The following XXYLT1 variants were observed in gnomAD, a reference collection of about 807,000 sequenced individuals.
XXYLT1 encodes the protein UDP-xylose:alpha-xyloside alpha-1,3-xylosyltransferase.
A neutral mutation model predicts 28.9 loss-of-function variants in XXYLT1; 20 were observed. The ratio of observed to expected loss-of-function variants is 0.69; its 90% confidence interval spans 0.49 to 1.00. The LOEUF (loss-of-function observed/expected upper bound fraction) is 1.00. Among genes scored for constraint, XXYLT1 ranks in the 50% least tolerant of loss-of-function variants. XXYLT1 has a pLI of 0.00. For missense variants in XXYLT1, 542 were observed against 560.1 expected, an observed-to-expected ratio of 0.97 and a Z score of 0.33; for synonymous variants, 257 against 253.8, an observed-to-expected ratio of 1.01 and a Z score of -0.12.
intron 1 of XXYLT1, chr3:195,259,784 G>C: frequency 1.8e-6 from 1 of 555,940 alleles, no homozygotes; most frequent in Non-Finnish European, 2.3e-6. Flanking sequence ...GATACCGAGG[G>C]GCCACCCCCA....
chr3:195,139,884 C>A (rs1264872261), intron 3 of XXYLT1, among the ~76,000 whole-genome samples: 1 of 152,294 alleles, frequency 6.6e-6, no homozygotes, highest in Non-Finnish European at 1.5e-5. Flanking sequence ...CAGATGAGGA[C>A]CCCTCCCAGC....
Position 195,270,663 on chromosome 3 carries a change from C to T in XXYLT1, c.396G>A (p.Glu132=), listed in dbSNP as rs1725992622. 2 of 1,582,706 alleles carry T rather than the reference C, an allele frequency of 1.3e-6. No individual in the cohort carries two copies. The highest frequency in any genetic ancestry group is 1.4e-5 in the African/African-American group (1 of 72,102). ...AGTGAAGGTTAAGCACCTCGTGCGC[C>T]TCGAACTTGGCGAGGCGCAGCAGTG... ...LRSLLRLAKF[E]AHEVLNLHFV... Residue 132 remains glutamate, a synonymous_variant, in exon 1 of 4, where the codon GAG becomes GAA. Coordinates refer to ENST00000310380, the MANE Select transcript of XXYLT1 (RefSeq NM_152531.5).
At position 195,169,239 on chromosome 3, in the gene XXYLT1, G is replaced by C. The variant is rs142730949; in HGVS notation, c.653-12658C>G. Among the ~76,000 whole-genome samples the C allele has an allele frequency of 6.8e-4, 104 of 152,386 alleles. 1 individual carries two copies. The highest frequency in any genetic ancestry group is 2.5e-3 in the African/African-American group (102 of 41,596). On this transcript the variant is annotated intron_variant, in intron 2 of 3. Coordinates refer to ENST00000310380, the MANE Select transcript of XXYLT1 (RefSeq NM_152531.5). ...ATGAGCTCACGTGGGCTCTCCCTGA[G>C]GTTCAGGCTCCATCCCGGCACGGCA...
rs796495723 is a variant in XXYLT1, at chr3:195,143,878, A to C, written c.785+12571T>G. ...TAGATATATATAGATATAGATATATATATATATATATTTATTTTTTATTTT... is the reference window on the plus strand; with the variant it reads ...TAGATATATATAGATATAGATATATCTATATATATATTTATTTTTTATTTT... On this transcript the variant is annotated intron_variant, in intron 3 of 3. Transcript: ENST00000310380. Among the ~76,000 whole-genome samples the C allele has an allele frequency of 8.2e-4, 96 of 117,238 alleles. 8 individuals are homozygous for C. The South Asian group carries it at 0.015, about 18-fold the overall frequency. 76.9% of individuals were successfully genotyped at this position (117,238 alleles called of 152,430 possible).
rs1282809909 is a variant in XXYLT1, at chr3:195,069,688, G to A, written c.*27C>T. The A allele has an allele frequency of 1.9e-6, 3 of 1,586,680 alleles. No homozygotes were observed. Among genetic ancestry groups the A allele is most frequent in the Non-Finnish European group, 8.6e-7 (1 of 1,168,464 alleles). On this transcript the variant is annotated 3_prime_UTR_variant, in exon 4 of 4. Coordinates refer to ENST00000310380, the MANE Select transcript of XXYLT1 (RefSeq NM_152531.5). Reference sequence around the variant, plus strand: ...CCCTGTCCTTCCCCCAGATCTGGAGGCCCCGGGGGCAAGGCACGGGGAGCG... The same window carrying A: ...CCCTGTCCTTCCCCCAGATCTGGAGACCCCGGGGGCAAGGCACGGGGAGCG...
chr3:195,071,588 C>A (rs996473744), intron 3 of XXYLT1, among the ~76,000 whole-genome samples: 10 of 152,262 alleles, frequency 6.6e-5, no homozygotes, highest in African/African-American at 2.2e-4. Context: ...CTGGTGCCTG[C>A]CTGGTGGTAA....
intron 2 of XXYLT1, among the ~76,000 whole-genome samples, chr3:195,181,134 G>A (rs377416373): frequency 3.3e-5 from 5 of 152,274 alleles, no homozygotes; most frequent in South Asian, 2.1e-4. Context: ...TTGAGAAGTC[G>A]GTGCTTGAGA....
chr3:195,270,456 T>C, intron 1 of XXYLT1, 99 bp downstream of exon 1: 1 of 1,340,292 alleles, frequency 7.5e-7, no homozygotes, highest in South Asian at 1.9e-5. Flanking sequence ...GGGAAGATCC[T>C]ACCCGCTAGT....
intron 3 of XXYLT1, among the ~76,000 whole-genome samples, chr3:195,111,031 C>T (rs946012165): frequency 1.3e-5 from 2 of 151,970 alleles, no homozygotes; most frequent in Non-Finnish European, 2.9e-5. Context: ...CACTGATTGT[C>T]CGCAGTCCTG....
At chr3:195,253,750 C>T (rs1227300137) in intron 1 of XXYLT1, among the ~76,000 whole-genome samples, 2 of 152,048 alleles carry the variant, frequency 1.3e-5, no homozygotes, top group Admixed American at 1.3e-4. Flanking sequence ...CCGCCCGCCT[C>T]GGCCTCCCAA....
chr3:195,185,891 C>T lies in XXYLT1; in HGVS notation c.653-29310G>A, dbSNP rs116287675. On this transcript the variant is annotated intron_variant, in intron 2 of 3. Transcript: ENST00000310380. ...TCCCTTTCCCACCTCTCTTCAGTCA[C>T]TTTCACTCAGACCTTTCTTTTCCTG... Among the ~76,000 whole-genome samples, 445 of 152,344 alleles carry T rather than the reference C, an allele frequency of 2.9e-3. 2 individuals are homozygous for T. Among genetic ancestry groups the T allele is most frequent in the African/African-American group, 0.01 (424 of 41,574 alleles).
Position 195,220,345 on chromosome 3 carries a change from T to C in XXYLT1, c.652+6364A>G, listed in dbSNP as rs191986999. Among the ~76,000 whole-genome samples the C allele has an allele frequency of 5.9e-3, 902 of 152,274 alleles. 7 individuals are homozygous for C. Among genetic ancestry groups the C allele is most frequent in the Middle Eastern group, 0.048 (14 of 294 alleles). On this transcript the variant is annotated intron_variant, in intron 2 of 3. Coordinates refer to ENST00000310380, the MANE Select transcript of XXYLT1 (RefSeq NM_152531.5). Reference sequence around the variant, plus strand: ...TTTTAGTAGAAATGGGGTTTCACCATGTTGGCCAGGCTGGTATCGAACTCC... The same window carrying C: ...TTTTAGTAGAAATGGGGTTTCACCACGTTGGCCAGGCTGGTATCGAACTCC...
intron 3 of XXYLT1, among the ~76,000 whole-genome samples, chr3:195,106,609 C>A (rs1379039509): frequency 6.6e-6 from 1 of 152,188 alleles, no homozygotes; most frequent in East Asian, 1.9e-4. Flanking sequence ...GCCGGCGAGG[C>A]GCGGAACTGC....
chr3:195,265,617 G>A (rs35136713), intron 1 of XXYLT1, among the ~76,000 whole-genome samples: 308 of 152,184 alleles, frequency 2.0e-3, no homozygotes, highest in African/African-American at 6.9e-3. Context: ...CATGAGAGGC[G>A]CCTTGAGGCC....
intron 3 of XXYLT1, among the ~76,000 whole-genome samples, chr3:195,143,831 GATATAGATAT>G (rs1207239570): frequency 9.1e-5 from 6 of 65,698 alleles, no homozygotes; most frequent in African/African-American, 3.0e-4. Context: ...GATATATATA[GATATAGATAT>G]AGATATATAT....
At chr3:195,074,405 T>G (rs922168086) in intron 3 of XXYLT1, among the ~76,000 whole-genome samples, 2 of 152,212 alleles carry the variant, frequency 1.3e-5, no homozygotes, top group African/African-American at 2.4e-5. Context: ...CCAGAGGCTG[T>G]GCAGTCAGTG....
At chr3:195,088,796 T>A (rs1415191655) in intron 3 of XXYLT1, among the ~76,000 whole-genome samples, 1 of 142,708 alleles carries the variant, frequency 7.0e-6, no homozygotes, top group Non-Finnish European at 1.5e-5. Flanking sequence ...TAGAAGAATA[T>A]ATAACTAGAA....
chr3:195,180,892 G>A lies in XXYLT1; in HGVS notation c.653-24311C>T, dbSNP rs1270903942. Among the ~76,000 whole-genome samples the A allele has an allele frequency of 6.6e-6, 1 of 152,244 alleles. No homozygotes were observed. Among genetic ancestry groups the A allele is most frequent in the East Asian group, 1.9e-4 (1 of 5,200 alleles). On this transcript the variant is annotated intron_variant, in intron 2 of 3. Coordinates refer to ENST00000310380, the MANE Select transcript of XXYLT1 (RefSeq NM_152531.5). The surrounding 1 kb of genome is among the most constrained non-coding windows in gnomAD (Gnocchi z 5.8). ...CAGACCTTTAGCTATACAAAAGTAA[G>A]TGGTATGGTTCATCCCTTCTTGGCT...
Position 195,125,007 on chromosome 3 carries a change from C to T in XXYLT1, c.785+31442G>A, listed in dbSNP as rs528392574. On this transcript the variant is annotated intron_variant, in intron 3 of 3. Transcript: ENST00000310380. ...CTTTCAAGCTAACCCATTCTTTATT[C>T]ATTTATTACACATTTACTGAGCAGT... Among the ~76,000 whole-genome samples the T allele has an allele frequency of 4.6e-5, 7 of 152,292 alleles. No homozygotes were observed. In the South Asian group the frequency reaches 1.4e-3, roughly 32 times the overall value.
Sources: gnomAD v4.1 joint callset for allele counts (sites outside exome capture counted in the v4.1 genomes callset) on GRCh38, gnomAD v4.1.1 for gene constraint, Gnocchi (gnomAD v3.1) non-coding constraint, MANE v1.5 for transcripts, NCBI Gene and HGNC (gene_info 2026-07-23, HGNC 2026-07-21) for gene names.